The following EPM2A variants were observed in gnomAD, a reference collection of about 807,000 sequenced individuals.
EPM2A encodes EPM2A glucan phosphatase, laforin.
A neutral mutation model predicts 26.5 loss-of-function variants in EPM2A; 21 were observed. The ratio of observed to expected loss-of-function variants is 0.79; its 90% confidence interval spans 0.56 to 1.14. The LOEUF is 1.14. Ranked by LOEUF, EPM2A falls within the 50% of genes most tolerant of loss-of-function variation. EPM2A has a pLI of 0.00. For synonymous variants in EPM2A, 217 were observed against 177.6 expected (o/e 1.22, Z -1.76); for missense variants, 458 against 440.8 (o/e 1.04, Z -0.35).
chr6:145,516,656 G>A (rs551590274), intron 2 of EPM2A, among the ~76,000 whole-genome samples: 3 of 152,224 alleles, frequency 2.0e-5, no homozygotes, highest in East Asian at 1.9e-4. Flanking sequence ...TGTGGGACTC[G>A]AATAGAGAAG....
At chr6:145,529,105 G>T (rs1780318752) in intron 2 of EPM2A, among the ~76,000 whole-genome samples, 1 of 146,212 alleles carries the variant, frequency 6.8e-6, no homozygotes. Flanking sequence ...ATGAGGAGTT[G>T]CTTTTTATGG....
chr6:145,443,633 G>A lies in EPM2A; in HGVS notation c.555+58889C>T, dbSNP rs139017392. On this transcript the variant is annotated intron_variant, in intron 4 of 4. Transcript: ENST00000638717. ...TATCATTTCAAGGACCTTTGGGGCC[G>A]AGACTATGGGGTTTTTTTAGATATA... is the stretch of plus-strand genomic sequence containing the variant. Among the ~76,000 whole-genome samples the A allele has an allele frequency of 2.8e-3, 429 of 152,270 alleles. 8 individuals are homozygous for A. The East Asian group carries it at 0.067, about 24-fold the overall frequency.
intron 4 of EPM2A, among the ~76,000 whole-genome samples, chr6:145,479,227 A>AAT (rs1258263651): frequency 3.4e-5 from 5 of 147,552 alleles, no homozygotes; most frequent in African/African-American, 4.9e-5. Flanking sequence ...ATTTTAGTAA[A>AAT]ATATATATAT....
chr6:145,541,177 C>CTGTG (rs5880647), intron 2 of EPM2A, among the ~76,000 whole-genome samples: 1,493 of 147,228 alleles, frequency 0.01, 14 homozygotes, highest in African/African-American at 0.022. Flanking sequence ...ATATATATAT[C>CTGTG]TGTGTGTGTG....
At chr6:145,710,607 C>G (rs1775259610) in intron 1 of EPM2A, among the ~76,000 whole-genome samples, 1 of 152,058 alleles carries the variant, frequency 6.6e-6, no homozygotes. Context: ...TTGACCCAGC[C>G]CTCCCATTAC....
At chr6:145,629,203 C>T (rs1776061018) in intron 3 of EPM2A, 1 of 152,454 alleles carries the variant, frequency 6.6e-6, no homozygotes, top group African/African-American at 2.4e-5. Flanking sequence ...CCTTGAGCTC[C>T]ATCCTTCTCT....
chr6:145,434,016 C>CT (rs1379913624), intron 4 of EPM2A, among the ~76,000 whole-genome samples: 1 of 151,558 alleles, frequency 6.6e-6, no homozygotes, highest in Non-Finnish European at 1.5e-5. Flanking sequence ...TATTATTTTT[C>CT]TTTTTTTAAA....
At chr6:145,726,164 C>A (rs568579715) in intron 1 of EPM2A, among the ~76,000 whole-genome samples, 1 of 151,954 alleles carries the variant, frequency 6.6e-6, no homozygotes, top group Admixed American at 6.6e-5. Flanking sequence ...AAAAATCACA[C>A]ACACAAAGAT....
intron 2 of EPM2A, among the ~76,000 whole-genome samples, chr6:145,648,163 T>C (rs984669215): frequency 9.2e-5 from 14 of 152,234 alleles, no homozygotes; most frequent in Non-Finnish European, 1.8e-4. Context: ...AAAATGATTA[T>C]ATACTTGTAA....
chr6:145,556,966 T>C (rs1472500832), intron 2 of EPM2A, among the ~76,000 whole-genome samples: 1 of 152,128 alleles, frequency 6.6e-6, no homozygotes, highest in Admixed American at 6.6e-5. Context: ...GACTTTCAGC[T>C]CATAACAATT....
intron 2 of EPM2A, among the ~76,000 whole-genome samples, chr6:145,682,194 A>G (rs1780590195): frequency 6.6e-6 from 1 of 152,134 alleles, no homozygotes. Flanking sequence ...GGCAGCAGAC[A>G]AAGAGAGAGC....
chr6:145,665,638 G>C (rs1475512992), intron 2 of EPM2A, among the ~76,000 whole-genome samples: 2 of 147,244 alleles, frequency 1.4e-5, no homozygotes, highest in African/African-American at 5.1e-5. Flanking sequence ...AATAGAAAAA[G>C]AGGGAATCCT....
chr6:145,670,279 T>A (rs990500792), intron 2 of EPM2A: 2 of 152,146 alleles, frequency 1.3e-5, no homozygotes, highest in Admixed American at 1.3e-4. Context: ...AACCACCATA[T>A]CTTACCCACA....
In EPM2A at chr6:145,443,857, G is replaced by T. The variant is rs145851190; in HGVS notation, c.555+58665C>A. Among the ~76,000 whole-genome samples the T allele has an allele frequency of 4.0e-3, 613 of 152,182 alleles. 8 individuals are homozygous for T. The highest frequency in any genetic ancestry group is 0.013 in the African/African-American group (552 of 41,522). The stretch of plus-strand genomic sequence containing the variant: ...AGATCTGATGGTTTTAAAAACAGGG[G>T]TTTCTCTGCACAAGCCTTACCTTTT... On this transcript the variant is annotated intron_variant, in intron 4 of 4. Coordinates refer to the EPM2A transcript ENST00000638717.
chr6:145,464,318 T>C (rs565722058), intron 4 of EPM2A, among the ~76,000 whole-genome samples: 1 of 152,150 alleles, frequency 6.6e-6, no homozygotes, highest in African/African-American at 2.4e-5. Flanking sequence ...TGCAGAGCTG[T>C]AAGTCAATTA....
At chr6:145,547,258 C>G (rs1210626193) in intron 2 of EPM2A, among the ~76,000 whole-genome samples, 1 of 152,058 alleles carries the variant, frequency 6.6e-6, no homozygotes, top group Non-Finnish European at 1.5e-5. Flanking sequence ...CTGCCCTCTC[C>G]CCTCAGATGT....
At chr6:145,508,307 A>G (rs951296984) in intron 2 of EPM2A, among the ~76,000 whole-genome samples, 2 of 152,134 alleles carry the variant, frequency 1.3e-5, no homozygotes, top group African/African-American at 4.8e-5. Flanking sequence ...ATGCTTCTCC[A>G]TTGTTTCTGC....
At chr6:145,574,469 C>G (rs1435765368) in intron 2 of EPM2A, among the ~76,000 whole-genome samples, 1 of 152,234 alleles carries the variant, frequency 6.6e-6, no homozygotes, top group African/African-American at 2.4e-5. Flanking sequence ...AGTTGAGTGA[C>G]TGTGGTTCCC....
chr6:145,557,557 A>C (rs1562381442), intron 2 of EPM2A, among the ~76,000 whole-genome samples: 1 of 152,118 alleles, frequency 6.6e-6, no homozygotes. Context: ...GAAATAACTT[A>C]CTAGCCTACA....
Sources: gnomAD v4.1 joint callset for allele counts (sites outside exome capture counted in the v4.1 genomes callset) on GRCh38, gnomAD v4.1.1 for gene constraint, MANE v1.5 for transcripts, NCBI Gene and HGNC (gene_info 2026-07-23, HGNC 2026-07-21) for gene names.